TMBIM1: variants seen among roughly 807,000 people sequenced by gnomAD.
The protein encoded by TMBIM1 is protein lifeguard 3.
Under a neutral mutation model 45.1 loss-of-function variants are expected in TMBIM1, and 34 were observed. The observed-to-expected ratio is 0.75, with a 90% CI of 0.57 to 1.00. The LOEUF (loss-of-function observed/expected upper bound fraction) is 1.00. TMBIM1 is among the 50% of genes least tolerant of loss of function. TMBIM1 has a pLI of 0.00. For synonymous variants in TMBIM1, 157 were observed against 153.5 expected, an observed-to-expected ratio of 1.02 and a Z score of -0.17; for missense variants, 374 against 402.4, an observed-to-expected ratio of 0.93 and a Z score of 0.60.
chr2:218,283,058 C>T (rs146316961), intron 1 of TMBIM1, among the ~76,000 whole-genome samples: 26 of 152,148 alleles, frequency 1.7e-4, no homozygotes, highest in African/African-American at 5.6e-4. Context: ...GTGAGTTCTA[C>T]CTGTCTTCCA....
At chr2:218,285,748 C>T (rs1692454221) in intron 1 of TMBIM1, 1 of 152,734 alleles carries the variant, frequency 6.5e-6, no homozygotes, top group African/African-American at 2.4e-5. Context: ...AGTTGCTAAA[C>T]TCAGCCACAC....
In TMBIM1 at chr2:218,278,527, C is replaced by A; in HGVS notation, c.461G>T (p.Cys154Phe). 6.2e-7 allele frequency: 1 copy of A among 1,614,176 alleles called. No individual in the cohort carries two copies. Among genetic ancestry groups the A allele is most frequent in the Non-Finnish European group, 8.5e-7 (1 of 1,180,018 alleles). The change falls in exon 6 of 12, where the codon TGC (cysteine) becomes TTC (phenylalanine). Residue 154 changes from cysteine (C) to phenylalanine (F), a missense_variant. Cys to Phe is a radical substitution (Grantham distance 205). Transcript: ENST00000258412. ...CTCTGGGACTCACCTGGGTCCCTGG[C>A]AGCAGGCAAGGATCAGGTAGGTGAC... ...FVVTYLILAC[C>F]QGPRRRFPWN...
rs773402215 is a variant in TMBIM1 at position 218,277,386 on chromosome 2, T to C, written c.619A>G (p.Ile207Val). The C allele has an allele frequency of 5.0e-6, 8 of 1,613,970 alleles. No individual in the cohort carries two copies. Among genetic ancestry groups the C allele is most frequent in the Non-Finnish European group, 5.1e-6 (6 of 1,180,022 alleles). Residue 207 changes from isoleucine to valine, a missense_variant, in exon 9 of 12, where the codon ATC becomes GTC. Physicochemically the swap from Ile to Val is conservative, Grantham distance 29. Coordinates refer to ENST00000258412, the MANE Select transcript of TMBIM1 (RefSeq NM_022152.6). Reference sequence around the variant, plus strand: ...CTCACCTTGGTCTGAAAGCAGAAGATGGTGACTGAAATGGATACCACCGCA... The same window carrying C: ...CTCACCTTGGTCTGAAAGCAGAAGACGGTGACTGAAATGGATACCACCGCA... Reference protein sequence around the residue: ...ITAVVSISVTIFCFQTKVDFT... With the variant: ...ITAVVSISVTVFCFQTKVDFT...
At chr2:218,276,942 C>T in intron 10 of TMBIM1, 62 bp downstream of exon 10, 1 of 1,410,250 alleles carries the variant, frequency 7.1e-7, no homozygotes, top group Admixed American at 1.7e-5. Flanking sequence ...CGAGACCATG[C>T]TATATAGGAA....
chr2:218,286,547 G>A (rs1574657267), intron 1 of TMBIM1: 2 of 152,228 alleles, frequency 1.3e-5, no homozygotes, highest in Non-Finnish European at 2.9e-5. Context: ...TTCTACCACA[G>A]CAGCGGCACA....
rs200962786 is a variant in TMBIM1, at chr2:218,282,000, C to T, written c.142G>A (p.Gly48Ser). ...GGCTGTGGGTAGCCAGCAGGGTGAC[C>T]GTAGCCAGGCTGCGGGTAGCCAGGG... ...AYPGYPQPGY[G>S]HPAGYPQPMP... The change falls in exon 2 of 12, where the codon GGT becomes AGT. Residue 48 changes from glycine to serine, a missense_variant. By Grantham distance (56) the Gly-to-Ser change is moderately conservative. Transcript: ENST00000258412. The T allele has an allele frequency of 1.6e-5, 25 of 1,607,012 alleles. No individual in the cohort carries two copies. The African/African-American group carries it at 2.4e-4, about 15-fold the overall frequency.
At position 218,279,530 on chromosome 2, in the gene TMBIM1, C is replaced by T. The variant is rs544027017; in HGVS notation, c.304-177G>A. 182 of 560,120 alleles carry T rather than the reference C, an allele frequency of 3.2e-4. 1 individual carries two copies. The South Asian group carries it at 4.1e-3, about 13-fold the overall frequency. 34.7% of individuals were successfully genotyped at this position (560,120 alleles called of 1,614,324 possible). On this transcript the variant is annotated intron_variant, in intron 3 of 11. Coordinates refer to ENST00000258412, the MANE Select transcript of TMBIM1 (RefSeq NM_022152.6). ...GCAATGTGCACTTCTTCCTCAGCCC[C>T]GCTCCCATGCTCCCTGCCATCTCCC...
chr2:218,286,509 C>G (rs1459870882), intron 1 of TMBIM1: 1 of 152,402 alleles, frequency 6.6e-6, no homozygotes. Flanking sequence ...CCCCAGTCCC[C>G]CATTAGGAAG....
rs768283851 is a variant in TMBIM1, at chr2:218,280,093, G to A, written c.236C>T (p.Ala79Val). Residue 79 changes from alanine (A) to valine (V), a missense_variant, in exon 3 of 12, where the codon GCA becomes GTA. Transcript: ENST00000258412. Reference protein sequence around the residue: ...PGHGYDGEERAVSDSFGPGEW... With the variant: ...PGHGYDGEERVVSDSFGPGEW... Reference sequence around the variant, plus strand: ...TCCAGGCCCGAAGCTATCACTCACTGCTCTCTCCTCCCCATCATAGCCATG... The same window carrying A: ...TCCAGGCCCGAAGCTATCACTCACTACTCTCTCCTCCCCATCATAGCCATG... The A allele has an allele frequency of 6.2e-6, 10 of 1,613,924 alleles. No homozygotes were observed. Among genetic ancestry groups the A allele is most frequent in the Middle Eastern group, 3.3e-4 (2 of 6,060 alleles).
intron 1 of TMBIM1, among the ~76,000 whole-genome samples, chr2:218,288,693 T>A (rs1212398320): frequency 2.0e-5 from 3 of 152,008 alleles, no homozygotes; most frequent in Non-Finnish European, 1.5e-5. Flanking sequence ...TCCGAAAAAA[T>A]CCAAAATCCA....
At position 218,277,413 on chromosome 2, in the gene TMBIM1, T is replaced by A; in HGVS notation, c.592A>T (p.Thr198Ser). 2 of 1,614,082 alleles carry A rather than the reference T, an allele frequency of 1.2e-6. No individual in the cohort carries two copies. The highest frequency in any genetic ancestry group is 8.5e-7 in the Non-Finnish European group (1 of 1,180,024). The change falls in exon 9 of 12, where the codon ACT (threonine) becomes TCT (serine). Residue 198 changes from threonine (T) to serine (S), a missense_variant. Transcript: ENST00000258412. ...TKAVIIAMIITAVVSISVTIF... is the reference protein window; with the variant it reads ...TKAVIIAMIISAVVSISVTIF... The stretch of plus-strand genomic sequence containing the variant: ...GTGACTGAAATGGATACCACCGCAG[T>A]GATGATCATTGCAATGATGACGGCT...
Position 218,275,588 on chromosome 2 carries a change from T to G in TMBIM1, c.823A>C (p.Asn275His). 1 of 1,613,764 alleles carries G rather than the reference T, an allele frequency of 6.2e-7. No individual in the cohort carries two copies. The highest frequency in any genetic ancestry group is 8.5e-7 in the Non-Finnish European group (1 of 1,179,924). The change falls in exon 12 of 12, where the codon AAC (asparagine) becomes CAC (histidine). Residue 275 changes from asparagine to histidine, a missense_variant. Asn to His is a moderately conservative substitution (Grantham distance 68). Coordinates refer to ENST00000258412, the MANE Select transcript of TMBIM1 (RefSeq NM_022152.6). The stretch of plus-strand genomic sequence containing the variant: ...TCGGGGCTGATGGTGTGCTTCCGGT[T>G]CCCCAGGACCAGCTGTGTGTCGTAA... ...LAYDTQLVLGNRKHTISPEDY... is the reference protein window; with the variant it reads ...LAYDTQLVLGHRKHTISPEDY...
chr2:218,277,842 A>G, intron 7 of TMBIM1, 93 bp downstream of exon 7: 8 of 1,580,120 alleles, frequency 5.1e-6, no homozygotes, highest in Non-Finnish European at 6.9e-6. Flanking sequence ...GGAGACAGCC[A>G]GGACATCCTT....
chr2:218,274,750 C>T lies in TMBIM1; in HGVS notation c.*725G>A, dbSNP rs569581018. ...GCTTTCAAGAATGGGGAGCAGATGG[C>T]CACATGTGGCCTGCTCTGTCTTATA... is the stretch of plus-strand genomic sequence containing the variant. On this transcript the variant is annotated 3_prime_UTR_variant, in exon 12 of 12. Transcript: ENST00000258412. The T allele has an allele frequency of 3.7e-4, 57 of 155,144 alleles. No individual in the cohort carries two copies. The highest frequency in any genetic ancestry group is 1.1e-3 in the African/African-American group (47 of 41,654). 9.6% of individuals were successfully genotyped at this position (155,144 alleles called of 1,614,324 possible). A position where few individuals can be genotyped will look rare whatever the true frequency, so the allele number is the denominator to read the frequency against.
In TMBIM1 at chr2:218,282,725, A is replaced by G. The variant is rs546540287; in HGVS notation, c.-40-544T>C. Among the ~76,000 whole-genome samples the G allele has an allele frequency of 1.1e-4, 17 of 152,314 alleles. No individual in the cohort carries two copies. In the East Asian group the frequency reaches 3.3e-3, roughly 29 times the overall value. On this transcript the variant is annotated intron_variant, in intron 1 of 11. Transcript: ENST00000258412. ...AAGTGGAGGAAAACAAGCTAGCCCC[A>G]GTGCCAGAGCTGCCAGGCCCCGAGG...
chr2:218,279,261 G>C, intron 4 of TMBIM1, 28 bp downstream of exon 4: 3 of 1,565,560 alleles, frequency 1.9e-6, no homozygotes, highest in Non-Finnish European at 2.6e-6. Flanking sequence ...AGGGCAGTAG[G>C]AGTGGGTGGC....
chr2:218,277,498 A>G (rs1691346817), intron 8 of TMBIM1, 45 bp from the exon 9 acceptor site: 1 of 1,609,782 alleles, frequency 6.2e-7, no homozygotes, highest in African/African-American at 1.3e-5. Flanking sequence ...TAAGCCACGT[A>G]TGAATGACTT....
chr2:218,290,526 G>T (rs997445066), intron 1 of TMBIM1, among the ~76,000 whole-genome samples: 6 of 152,142 alleles, frequency 3.9e-5, no homozygotes, highest in African/African-American at 1.2e-4. Context: ...GATCTCTGGC[G>T]AGGGTCCTCC....
intron 1 of TMBIM1, among the ~76,000 whole-genome samples, chr2:218,284,644 C>T (rs1388677605): frequency 1.3e-5 from 2 of 152,210 alleles, no homozygotes; most frequent in Non-Finnish European, 2.9e-5. Flanking sequence ...GTTTCCAGGC[C>T]AGTCCTTCGG....
Sources: gnomAD v4.1 joint callset for allele counts (sites outside exome capture counted in the v4.1 genomes callset) on GRCh38, gnomAD v4.1.1 for gene constraint, MANE v1.5 for transcripts, NCBI Gene and HGNC (gene_info 2026-07-23, HGNC 2026-07-21) for gene names.